MCC: variants seen among roughly 807,000 people sequenced by gnomAD.
MCC encodes MCC regulator of Wnt signaling pathway.
A neutral mutation model predicts 116.2 loss-of-function variants in MCC; 90 were observed. The observed-to-expected ratio is 0.77, with a 90% CI of 0.65 to 0.92. The LOEUF is 0.92. MCC is among the 40% of genes least tolerant of loss of function. The probability of loss-of-function intolerance (pLI) is 0.00; values close to 1 mark genes in which losing one functional copy is unlikely to be tolerated. For synonymous variants in MCC, 578 were observed against 510.5 expected, an observed-to-expected ratio of 1.13 and a Z score of -1.78; for missense variants, 1,516 against 1,312.2, an observed-to-expected ratio of 1.16 and a Z score of -2.40.
At chr5:113,093,945 T>C (rs758871265) in intron 8 of MCC, among the ~76,000 whole-genome samples, 2 of 152,204 alleles carry the variant, frequency 1.3e-5, no homozygotes, top group East Asian at 1.9e-4. Flanking sequence ...ATGGAGCTGG[T>C]TGAGATGAGA....
Position 113,076,035 on chromosome 5 carries a change from A to G in MCC, c.1785-4801T>C, listed in dbSNP as rs1211639264. ...GAAGAAACTCCGGACACGTCTGAAC[A>G]TCAGAAGGAACAAACTCCAGACACA... On this transcript the variant is annotated intron_variant, in intron 11 of 18. Transcript: ENST00000408903. Among the ~76,000 whole-genome samples the G allele has an allele frequency of 2.6e-5, 4 of 152,192 alleles. No homozygotes were observed. The East Asian group carries it at 7.7e-4, about 29-fold the overall frequency.
chr5:113,267,687 T>C (rs1411027418), intron 3 of MCC, among the ~76,000 whole-genome samples: 3 of 152,102 alleles, frequency 2.0e-5, no homozygotes, highest in Non-Finnish European at 4.4e-5. Context: ...AACAGGCACA[T>C]CTACAGTGAC....
intron 5 of MCC, among the ~76,000 whole-genome samples, chr5:113,133,674 T>C (rs1041232620): frequency 6.6e-6 from 1 of 152,220 alleles, no homozygotes; most frequent in African/African-American, 2.4e-5. Context: ...ATGGTAGTTC[T>C]ATTTTGAGTT....
chr5:113,106,548 C>T (rs1397572179), intron 6 of MCC, among the ~76,000 whole-genome samples: 5 of 151,932 alleles, frequency 3.3e-5, no homozygotes, highest in Admixed American at 6.6e-5. Flanking sequence ...AAAAAAAATA[C>T]AACCTTTTTA....
At chr5:113,467,324 C>T (rs1305947118) in intron 1 of MCC, among the ~76,000 whole-genome samples, 4 of 149,836 alleles carry the variant, frequency 2.7e-5, no homozygotes, top group Non-Finnish European at 4.5e-5. Flanking sequence ...TTAGGTCTAA[C>T]ATGTAAGTCT....
At chr5:113,439,025 A>T (rs1770951148) in intron 1 of MCC, among the ~76,000 whole-genome samples, 1 of 152,186 alleles carries the variant, frequency 6.6e-6, no homozygotes, top group South Asian at 2.1e-4. Context: ...GTCTTCTAAG[A>T]GCACAGTTCC....
intron 11 of MCC, among the ~76,000 whole-genome samples, chr5:113,074,357 T>C (rs997131000): frequency 2.6e-5 from 4 of 152,132 alleles, no homozygotes; most frequent in African/African-American, 4.8e-5. Context: ...AGAAAGGACA[T>C]CCACACCAAA....
intron 8 of MCC, among the ~76,000 whole-genome samples, chr5:113,086,968 G>A (rs866300376): frequency 5.9e-5 from 9 of 152,162 alleles, no homozygotes; most frequent in African/African-American, 4.8e-5. Flanking sequence ...TGATGCTGCC[G>A]GTCGGGGACC....
chr5:113,070,998 T>C (rs544973915), intron 12 of MCC, 96 bp downstream of exon 12: 1 of 1,416,596 alleles, frequency 7.1e-7, no homozygotes, highest in South Asian at 1.5e-5. Flanking sequence ...CTGCCAGATA[T>C]GCCTTCTAAA....
chr5:113,445,508 C>T (rs764030184), intron 1 of MCC, among the ~76,000 whole-genome samples: 45 of 151,688 alleles, frequency 3.0e-4, no homozygotes, highest in Non-Finnish European at 2.9e-4. Flanking sequence ...AATAGCCACA[C>T]GAAAAATAAA....
intron 3 of MCC, among the ~76,000 whole-genome samples, chr5:113,273,726 T>G (rs1434717760): frequency 5.9e-5 from 9 of 152,090 alleles, no homozygotes; most frequent in Admixed American, 5.9e-4. Context: ...TTTTCCTGAT[T>G]AATTGTATTA....
rs148649986 is a variant in MCC, at chr5:113,058,289, G to T, written c.2214-4330C>A. ...CAGGAACTGAAGTGATACTATTTTG[G>T]CAGATTTTCCATTTAGCAGGACTGG... On this transcript the variant is annotated intron_variant, in intron 14 of 18. Transcript: ENST00000408903. Among the ~76,000 whole-genome samples the T allele has an allele frequency of 2.4e-3, 362 of 152,260 alleles. 5 individuals carry two copies. The highest frequency in any genetic ancestry group is 7.6e-3 in the African/African-American group (315 of 41,546).
At chr5:113,397,438 G>GA (rs906278066) in intron 1 of MCC, among the ~76,000 whole-genome samples, 1 of 151,802 alleles carries the variant, frequency 6.6e-6, no homozygotes, top group East Asian at 1.9e-4. Flanking sequence ...TTACCAACTT[G>GA]AAAAAAATAC....
At chr5:113,217,515 C>A (rs1424969146) in intron 3 of MCC, among the ~76,000 whole-genome samples, 1 of 148,966 alleles carries the variant, frequency 6.7e-6, no homozygotes, top group Non-Finnish European at 1.5e-5. Flanking sequence ...GGGGCTAGAA[C>A]AGAGATACTT....
chr5:113,233,405 G>T (rs1422652269), intron 3 of MCC, among the ~76,000 whole-genome samples: 1 of 152,126 alleles, frequency 6.6e-6, no homozygotes, highest in East Asian at 1.9e-4. Flanking sequence ...TAGAATGCAT[G>T]AATTTAAGAA....
chr5:113,314,867 T>A (rs1236002532), intron 3 of MCC, among the ~76,000 whole-genome samples: 1 of 152,176 alleles, frequency 6.6e-6, no homozygotes, highest in East Asian at 1.9e-4. Flanking sequence ...GGATTACTGG[T>A]GTGAGCCACC....
At chr5:113,092,299 G>A (rs1204903767) in intron 8 of MCC, among the ~76,000 whole-genome samples, 1 of 152,164 alleles carries the variant, frequency 6.6e-6, no homozygotes. Flanking sequence ...TATGCTGCTG[G>A]CTTGGGAGAT....
chr5:113,118,978 C>T (rs1175973311), intron 6 of MCC, among the ~76,000 whole-genome samples: 3 of 152,182 alleles, frequency 2.0e-5, no homozygotes, highest in Non-Finnish European at 2.9e-5. Context: ...CTCTGGCAAG[C>T]ATTCTTCCAT....
intron 3 of MCC, among the ~76,000 whole-genome samples, chr5:113,296,722 GTTT>G (rs1349623361): frequency 1.3e-5 from 2 of 152,114 alleles, no homozygotes; most frequent in African/African-American, 4.8e-5. Flanking sequence ...GCCACTAAAG[GTTT>G]TTTAGCATAG....
Sources: allele counts gnomAD v4.1 joint callset (sites outside exome capture counted in the v4.1 genomes callset), GRCh38; gene constraint gnomAD v4.1.1; transcripts MANE v1.5; gene names NCBI Gene and HGNC (gene_info 2026-07-23, HGNC 2026-07-21).